IL1RAPL2: variants seen among roughly 807,000 people sequenced by gnomAD.
IL1RAPL2 encodes interleukin 1 receptor accessory protein like 2.
A neutral mutation model predicts 44.1 loss-of-function variants in IL1RAPL2; 3 were observed. The observed-to-expected ratio is 0.07, with a 90% confidence interval of 0.03 to 0.18. The LOEUF is 0.18. IL1RAPL2 is among the 10% of genes least tolerant of loss of function. The pLI, the probability that IL1RAPL2 is intolerant of heterozygous loss-of-function variation, is 1.00. For synonymous variants in IL1RAPL2, 181 were observed against 178.8 expected, an observed-to-expected ratio of 1.01 and a Z score of -0.10; for missense variants, 391 against 496.4, an observed-to-expected ratio of 0.79 and a Z score of 2.02.
chrX:104,953,169 G>A (rs1925630724), intron 2 of IL1RAPL2, among the ~76,000 whole-genome samples: 1 of 111,255 alleles, frequency 9.0e-6, no homozygotes, highest in African/African-American at 3.3e-5. Flanking sequence ...CATTTACTTT[G>A]TTCATGGCAG....
intron 6 of IL1RAPL2, among the ~76,000 whole-genome samples, chrX:105,497,968 G>A (rs985995493): frequency 8.9e-5 from 10 of 111,842 alleles, no homozygotes; most frequent in African/African-American, 2.6e-4. Flanking sequence ...ATGAAAAATC[G>A]AAAGCTTTTC....
At chrX:105,509,896 G>A (rs1427576636) in intron 6 of IL1RAPL2, among the ~76,000 whole-genome samples, 2 of 111,659 alleles carry the variant, frequency 1.8e-5, no homozygotes, top group Non-Finnish European at 3.8e-5. Context: ...CTGCAGCCAG[G>A]CATGGTGGTT....
intron 5 of IL1RAPL2, among the ~76,000 whole-genome samples, chrX:105,429,857 A>T (rs1003468607): frequency 2.0e-4 from 22 of 111,585 alleles, no homozygotes; most frequent in African/African-American, 6.2e-4. Flanking sequence ...GAACCTTGGT[A>T]TAAAGAATTA....
chrX:105,018,596 C>G (rs970230843), intron 2 of IL1RAPL2, among the ~76,000 whole-genome samples: 1 of 111,438 alleles, frequency 9.0e-6, no homozygotes, highest in Non-Finnish European at 1.9e-5. Context: ...TAAGGCAGTA[C>G]TGTGTTTAAC....
intron 5 of IL1RAPL2, among the ~76,000 whole-genome samples, chrX:105,429,521 G>A (rs914658218): frequency 1.1e-4 from 12 of 111,994 alleles, no homozygotes; most frequent in African/African-American, 3.6e-4. Flanking sequence ...CTCATTCAAT[G>A]GATTGGTGTT....
intron 5 of IL1RAPL2, among the ~76,000 whole-genome samples, chrX:105,389,166 T>G (rs1239727659): frequency 8.9e-6 from 1 of 111,912 alleles, no homozygotes; most frequent in Non-Finnish European, 1.9e-5. Context: ...TTATTGGCAA[T>G]TCAGAAAATG....
At chrX:105,330,351 G>A (rs762669778) in intron 5 of IL1RAPL2, among the ~76,000 whole-genome samples, 10 of 110,582 alleles carry the variant, frequency 9.0e-5, no homozygotes, top group Non-Finnish European at 1.7e-4. Context: ...TACCCTCCTC[G>A]TATACCAACA....
chrX:104,834,110 G>A (rs988942901), intron 2 of IL1RAPL2, among the ~76,000 whole-genome samples: 1 of 111,696 alleles, frequency 9.0e-6, no homozygotes, highest in Non-Finnish European at 1.9e-5. Context: ...GGCACAGCCT[G>A]ACCACTCCCT....
intron 6 of IL1RAPL2, among the ~76,000 whole-genome samples, chrX:105,523,024 G>T (rs1397148816): frequency 1.8e-5 from 2 of 111,237 alleles, no homozygotes; most frequent in Admixed American, 9.6e-5. Flanking sequence ...TTTCCAGTCT[G>T]CTATTTTCCA....
intron 5 of IL1RAPL2, among the ~76,000 whole-genome samples, chrX:105,279,175 A>T (rs1371118079): frequency 9.0e-6 from 1 of 111,533 alleles, no homozygotes; most frequent in African/African-American, 3.3e-5. Context: ...ATACAACATA[A>T]AATTATGGAA....
rs1288317746 is a variant in IL1RAPL2 at position 105,447,182 on chromosome X, A to T, written c.698-37131A>T. ...ATAAATATATATAAATATATATATA[A>T]ATATAAATATATATAAATATATATA... is the stretch of plus-strand genomic sequence containing the variant. On this transcript the variant is annotated intron_variant, in intron 5 of 10. Transcript: ENST00000372582. 1.6e-4 allele frequency among the ~76,000 whole-genome samples: 4 copies of T among 25,743 alleles called. No individual in the cohort carries two copies. In the African/African-American group the frequency reaches 1.6e-3, roughly 10 times the overall value. 22.4% of individuals were successfully genotyped at this position (25,743 alleles called of 115,157 possible).
chrX:105,160,099 T>A (rs2033309610), intron 2 of IL1RAPL2, among the ~76,000 whole-genome samples: 1 of 109,006 alleles, frequency 9.2e-6, no homozygotes, highest in African/African-American at 3.3e-5. Flanking sequence ...CCTGTATGAT[T>A]TGAACATTTG....
chrX:104,720,561 C>T (rs781041477), intron 2 of IL1RAPL2, among the ~76,000 whole-genome samples: 26 of 111,375 alleles, frequency 2.3e-4, no homozygotes, highest in Non-Finnish European at 3.8e-4. Flanking sequence ...TTGCTACTAG[C>T]TGGGCACATA....
intron 2 of IL1RAPL2, among the ~76,000 whole-genome samples, chrX:104,965,590 A>C (rs1439626154): frequency 2.7e-5 from 3 of 111,606 alleles, no homozygotes; most frequent in Non-Finnish European, 5.7e-5. Flanking sequence ...CTGACACTGA[A>C]GTAGTGTCAG....
chrX:105,072,662 T>C (rs777545249), intron 2 of IL1RAPL2, among the ~76,000 whole-genome samples: 4 of 110,892 alleles, frequency 3.6e-5, no homozygotes, highest in Non-Finnish European at 7.6e-5. Flanking sequence ...TACTATACTT[T>C]AAGTTCTGTG....
chrX:105,728,617 C>T (rs2038373088), intron 7 of IL1RAPL2, among the ~76,000 whole-genome samples: 1 of 111,093 alleles, frequency 9.0e-6, no homozygotes, highest in Non-Finnish European at 1.9e-5. Context: ...GCAGAAAGTA[C>T]AGAGAACTCT....
At chrX:104,868,222 C>G (rs1922670018) in intron 2 of IL1RAPL2, among the ~76,000 whole-genome samples, 1 of 111,767 alleles carries the variant, frequency 8.9e-6, no homozygotes, top group African/African-American at 3.3e-5. Flanking sequence ...AATGCAGTCA[C>G]AAAAGTATAC....
chrX:104,847,692 A>C (rs1036012724), intron 2 of IL1RAPL2, among the ~76,000 whole-genome samples: 29 of 111,690 alleles, frequency 2.6e-4, no homozygotes, highest in African/African-American at 7.8e-4. Flanking sequence ...TTTTGGTTTC[A>C]TATGAACTTT....
At chrX:105,041,017 G>C (rs1759623345) in intron 2 of IL1RAPL2, among the ~76,000 whole-genome samples, 1 of 99,897 alleles carries the variant, frequency 1.0e-5, no homozygotes, top group Admixed American at 1.1e-4. Context: ...TGGGCATTTA[G>C]TGCTATAAAT....
Sources: gnomAD v4.1 joint callset for allele counts (sites outside exome capture counted in the v4.1 genomes callset) on GRCh38, gnomAD v4.1.1 for gene constraint, MANE v1.5 for transcripts, NCBI Gene and HGNC (gene_info 2026-07-23, HGNC 2026-07-21) for gene names.